Variants in FOXN3 observed in about 807,000 individuals in gnomAD.
FOXN3 encodes forkhead box N3.
A neutral mutation model predicts 38.4 loss-of-function variants in FOXN3; 7 were observed. The observed-to-expected ratio is 0.18, with a 90% CI of 0.10 to 0.34. FOXN3 has a LOEUF of 0.34. FOXN3 is among the 10% of genes least tolerant of loss of function. The probability of loss-of-function intolerance (pLI) is 1.00; values close to 1 mark genes in which losing one functional copy is unlikely to be tolerated. For synonymous variants in FOXN3, 230 were observed against 242.2 expected, an observed-to-expected ratio of 0.95 and a Z score of 0.47; for missense variants, 456 against 613.4, an observed-to-expected ratio of 0.74 and a Z score of 2.71.
chr14:89,217,295 A>C (rs944295259), intron 4 of FOXN3, among the ~76,000 whole-genome samples: 2 of 152,146 alleles, frequency 1.3e-5, no homozygotes. Context: ...ACCTGCCACC[A>C]CACATGGCTA....
intron 1 of FOXN3, among the ~76,000 whole-genome samples, chr14:89,434,245 T>C (rs1315810952): frequency 7.1e-6 from 1 of 140,190 alleles, no homozygotes; most frequent in Non-Finnish European, 1.5e-5. Flanking sequence ...TTTTTTAAGA[T>C]GGAGTTTTGC....
intron 1 of FOXN3, among the ~76,000 whole-genome samples, chr14:89,586,469 A>C (rs1385881467): frequency 6.6e-6 from 1 of 152,208 alleles, no homozygotes; most frequent in Non-Finnish European, 1.5e-5. Context: ...TGCTTACCAC[A>C]GATTAGTGTG....
At chr14:89,436,012 AT>A (rs78515416) in intron 1 of FOXN3, among the ~76,000 whole-genome samples, 4 of 148,046 alleles carry the variant, frequency 2.7e-5, no homozygotes, top group Non-Finnish European at 4.5e-5. Context: ...TTTCTTTATT[AT>A]TTTTTTTTTC....
At chr14:89,200,390 G>C (rs17125516) in intron 4 of FOXN3, among the ~76,000 whole-genome samples, 27,398 of 152,112 alleles carry the variant, frequency 0.18, 2,859 homozygotes, top group African/African-American at 0.29. Flanking sequence ...AAAGCTACTG[G>C]AAGGTAAGTA....
intron 4 of FOXN3, among the ~76,000 whole-genome samples, chr14:89,245,479 A>G (rs1249093930): frequency 2.0e-5 from 3 of 150,456 alleles, no homozygotes; most frequent in Non-Finnish European, 3.0e-5. Context: ...CATTGGAGAA[A>G]AAAAAAAAAG....
chr14:89,523,701 T>G (rs773258681), intron 1 of FOXN3, among the ~76,000 whole-genome samples: 1 of 152,114 alleles, frequency 6.6e-6, no homozygotes, highest in Admixed American at 6.6e-5. Flanking sequence ...AAAGCAGACA[T>G]AGAGGAAATT....
chr14:89,511,543 C>G (rs1894093488), intron 1 of FOXN3, among the ~76,000 whole-genome samples: 1 of 151,902 alleles, frequency 6.6e-6, no homozygotes, highest in Admixed American at 6.6e-5. Flanking sequence ...ATCCAGCCGA[C>G]CTGCCTGGTT....
intron 1 of FOXN3, among the ~76,000 whole-genome samples, chr14:89,493,095 T>G (rs1237494126): frequency 1.3e-5 from 2 of 152,208 alleles, no homozygotes; most frequent in Non-Finnish European, 2.9e-5. Flanking sequence ...CTGCATCGCT[T>G]TTTCTAAAAG....
At chr14:89,393,613 CAGGGT>C (rs1460876351) in intron 2 of FOXN3, among the ~76,000 whole-genome samples, 1 of 152,184 alleles carries the variant, frequency 6.6e-6, no homozygotes, top group East Asian at 1.9e-4. Context: ...ACCTCAGCAC[CAGGGT>C]ATACAAATGG....
intron 3 of FOXN3, among the ~76,000 whole-genome samples, chr14:89,336,175 C>A (rs1888451886): frequency 6.8e-6 from 1 of 147,086 alleles, no homozygotes; most frequent in African/African-American, 2.5e-5. Flanking sequence ...CACACACATT[C>A]ATAATCCTTA....
At chr14:89,604,270 C>G (rs1484506425) in intron 1 of FOXN3, among the ~76,000 whole-genome samples, 2 of 151,950 alleles carry the variant, frequency 1.3e-5, no homozygotes, top group Non-Finnish European at 2.9e-5. Context: ...CGCGCACACA[C>G]ACAGAGAGAG....
At chr14:89,267,016 TGAA>T (rs1596142104) in intron 4 of FOXN3, among the ~76,000 whole-genome samples, 1 of 152,128 alleles carries the variant, frequency 6.6e-6, no homozygotes, top group Non-Finnish European at 1.5e-5. Context: ...GGAAAAGTGA[TGAA>T]GCAGGATGCG....
upstream of FOXN3, among the ~76,000 whole-genome samples, chr14:89,418,413 C>G (rs1259938820): frequency 1.3e-4 from 5 of 38,704 alleles, no homozygotes; most frequent in Admixed American, 2.6e-4. Context: ...AAAAAATAGA[C>G]CCCCCCCCCC....
At chr14:89,401,608 T>C in intron 2 of FOXN3, 1 of 456,014 alleles carries the variant, frequency 2.2e-6, no homozygotes, top group Non-Finnish European at 4.4e-6. Flanking sequence ...TCTTGGAGAT[T>C]CGGGACTTTT....
chr14:89,500,016 A>G (rs1299363863), intron 1 of FOXN3, among the ~76,000 whole-genome samples: 4 of 151,350 alleles, frequency 2.6e-5, no homozygotes, highest in Non-Finnish European at 4.4e-5. Flanking sequence ...TGCCCAGCTT[A>G]TTTTTTTTGT....
chr14:89,296,988 T>C (rs987456565), intron 3 of FOXN3, among the ~76,000 whole-genome samples: 1 of 152,130 alleles, frequency 6.6e-6, no homozygotes, highest in Non-Finnish European at 1.5e-5. Flanking sequence ...AGCTTCAGAA[T>C]TTGGGCCTGC....
intron 1 of FOXN3, among the ~76,000 whole-genome samples, chr14:89,485,372 TA>T (rs1893426148): frequency 6.6e-6 from 1 of 152,066 alleles, no homozygotes; most frequent in African/African-American, 2.4e-5. Context: ...CTCCCAGCCT[TA>T]CTTTATAAAT....
At position 89,475,394 on chromosome 14, in the gene FOXN3, G is replaced by A. The variant is rs372219168; in HGVS notation, c.-14-62904C>T. 1.3e-4 allele frequency among the ~76,000 whole-genome samples: 20 copies of A among 152,242 alleles called. No homozygotes were observed. The East Asian group carries it at 3.5e-3, about 27-fold the overall frequency. The stretch of plus-strand genomic sequence containing the variant: ...ATCACTGCTAGGAGCAGTGGCTCAC[G>A]CCTGTATTTCCAGCACATTGGGAGG... On this transcript the variant is annotated intron_variant, in intron 1 of 6. Transcript: ENST00000345097.
At chr14:89,561,344 C>G (rs1159453955) in intron 1 of FOXN3, among the ~76,000 whole-genome samples, 2 of 152,216 alleles carry the variant, frequency 1.3e-5, no homozygotes, top group African/African-American at 4.8e-5. Context: ...TCCCAAGTAG[C>G]TGGGATTACA....
Sources: gnomAD v4.1 joint callset for allele counts (sites outside exome capture counted in the v4.1 genomes callset) on GRCh38, gnomAD v4.1.1 for gene constraint, MANE v1.5 for transcripts, NCBI Gene and HGNC (gene_info 2026-07-23, HGNC 2026-07-21) for gene names.